The following MAPK14 variants were observed in gnomAD, a reference collection of about 807,000 sequenced individuals.
MAPK14 encodes mitogen-activated protein kinase 14.
Under a neutral mutation model 49.6 loss-of-function variants are expected in MAPK14, and 16 were observed. That is an observed-to-expected ratio of 0.32 (90% CI 0.22 to 0.49). The LOEUF (loss-of-function observed/expected upper bound fraction) is 0.49. Among genes scored for constraint, MAPK14 ranks in the 20% least tolerant of loss-of-function variants. MAPK14 has a pLI of 0.99. For synonymous variants in MAPK14, 142 were observed against 158.0 expected (o/e 0.90, Z 0.76); for missense variants, 200 against 441.2 (o/e 0.45, Z 4.90).
At chr6:36,096,566 A>AT (rs1401239698) in intron 9 of MAPK14, 2 of 153,058 alleles carry the variant, frequency 1.3e-5, no homozygotes, top group Non-Finnish European at 2.9e-5. Flanking sequence ...CCCAGAAGTT[A>AT]TTTTTTATTG....
At chr6:36,104,838 G>A (rs570887242) in intron 10 of MAPK14, among the ~76,000 whole-genome samples, 2 of 152,278 alleles carry the variant, frequency 1.3e-5, no homozygotes, top group South Asian at 2.1e-4. Flanking sequence ...AGATATTTGT[G>A]TTCCAGCAGC....
At chr6:36,053,576 G>A (rs1353029062) in intron 2 of MAPK14, among the ~76,000 whole-genome samples, 1 of 152,128 alleles carries the variant, frequency 6.6e-6, no homozygotes, top group East Asian at 1.9e-4. Context: ...ATCAAGTTAT[G>A]AATTTCTGTG....
chr6:36,122,476 T>A, the MAPK14 span, among the ~76,000 whole-genome samples: 10 of 152,206 alleles, frequency 6.6e-5, no homozygotes, highest in Non-Finnish European at 1.3e-4. Flanking sequence ...CCCTGCTACA[T>A]CCCTGCCATT....
intron 3 of MAPK14, among the ~76,000 whole-genome samples, chr6:36,071,712 G>A (rs1028398406): frequency 6.6e-6 from 1 of 152,180 alleles, no homozygotes; most frequent in Non-Finnish European, 1.5e-5. Context: ...TTATAATGAG[G>A]TGAAAATGTA....
intron 2 of MAPK14, among the ~76,000 whole-genome samples, chr6:36,053,671 T>C (rs1763484569): frequency 6.6e-6 from 1 of 152,206 alleles, no homozygotes; most frequent in African/African-American, 2.4e-5. Flanking sequence ...GCTGTACTGC[T>C]TGTTACCTTG....
At chr6:36,100,328 C>T (rs1765591829) in intron 9 of MAPK14, 5 of 1,239,124 alleles carry the variant, frequency 4.0e-6, no homozygotes, top group Non-Finnish European at 6.0e-6. Flanking sequence ...CATTTTATTG[C>T]CACCGTATAA....
intron 1 of MAPK14, among the ~76,000 whole-genome samples, chr6:36,042,559 A>G (rs368464004): frequency 2.0e-5 from 3 of 149,032 alleles, no homozygotes; most frequent in Non-Finnish European, 4.4e-5. Context: ...TACGCAGTCA[A>G]TGGCTCACTG....
At chr6:36,102,520 G>A (rs1765671067) in intron 9 of MAPK14, 51 bp from the exon 10 acceptor site, 3 of 1,340,542 alleles carry the variant, frequency 2.2e-6, no homozygotes, top group South Asian at 1.2e-5. Context: ...CTTTCTTTGA[G>A]AGCAGTAACA....
At chr6:36,106,435 C>A (rs898724213) in intron 10 of MAPK14, among the ~76,000 whole-genome samples, 1 of 152,030 alleles carries the variant, frequency 6.6e-6, no homozygotes, top group African/African-American at 2.4e-5. Flanking sequence ...AGTGCATGGC[C>A]CCTAATTGAA....
rs551457216 is a variant in MAPK14, at chr6:36,033,061, T to C, written c.116+4788T>C. ...ATTATTAAGTATACAAGGGTGACTT[T>C]CTTGACTCCTGACCAGTGAGAAGGG... On this transcript the variant is annotated intron_variant, in intron 1 of 11. Transcript: ENST00000229794. Among the ~76,000 whole-genome samples, 152 of 152,224 alleles carry C rather than the reference T, an allele frequency of 1.0e-3. 2 individuals are homozygous for C. The South Asian group carries it at 0.014, about 14-fold the overall frequency.
chr6:36,028,371 GA>G lies in MAPK14; in HGVS notation c.116+100del, dbSNP rs1438022097. ...TGCTCAGCGTTGCGTCAAGTGGCAG[GA>G]ATTTTCCTCGGGGGAGGGCATTGCT... On this transcript the variant is annotated intron_variant, in intron 1 of 11. Transcript: ENST00000229794. This position sits in a 1 kb window ranked among gnomAD's most constrained non-coding sequence, Gnocchi z 5.1. The G allele has an allele frequency of 1.3e-5, 11 of 842,278 alleles. No homozygotes were observed. The highest frequency in any genetic ancestry group is 2.1e-5 in the Non-Finnish European group (11 of 517,750). The allele number at this position is 842,278 out of a possible 1,614,324, so 52.2% of individuals were successfully genotyped here.
chr6:36,105,338 G>A (rs1765768461), intron 10 of MAPK14, among the ~76,000 whole-genome samples: 1 of 152,018 alleles, frequency 6.6e-6, no homozygotes, highest in Non-Finnish European at 1.5e-5. Context: ...GAACTCTTGT[G>A]TTTAAGTGAT....
downstream of MAPK14, chr6:36,111,253 T>C (rs1015960029): frequency 6.6e-6 from 1 of 152,244 alleles, no homozygotes; most frequent in African/African-American, 2.4e-5. Flanking sequence ...CTCATCTGTT[T>C]ATGTATTGTC....
At chr6:36,039,109 T>C (rs1348617656) in intron 1 of MAPK14, among the ~76,000 whole-genome samples, 1 of 152,170 alleles carries the variant, frequency 6.6e-6, no homozygotes, top group Non-Finnish European at 1.5e-5. Context: ...ATATATCATA[T>C]AGATTGAAAG....
rs200564401 is a variant in MAPK14, at chr6:36,052,676, T to G, written c.117-23T>G. The G allele has an allele frequency of 1.3e-4, 205 of 1,582,026 alleles. 4 individuals carry two copies. The South Asian group carries it at 2.2e-3, about 17-fold the overall frequency. ...TTTAGAACAGCTTTTTAATGGTGGG[T>G]TTTTTCCCTTTTTTCTCCTTAGTGC... On this transcript the variant is annotated intron_variant, in intron 1 of 11. Transcript: ENST00000229794.
At chr6:36,029,770 A>G (rs1300795539) in intron 1 of MAPK14, among the ~76,000 whole-genome samples, 1 of 152,172 alleles carries the variant, frequency 6.6e-6, no homozygotes, top group Admixed American at 6.5e-5. Context: ...ACCGTGCTTG[A>G]CATCTTTCTC....
At chr6:36,087,416 T>C (rs1765030503) in intron 8 of MAPK14, among the ~76,000 whole-genome samples, 1 of 152,232 alleles carries the variant, frequency 6.6e-6, no homozygotes, top group South Asian at 2.1e-4. Flanking sequence ...CTTAAGCTGA[T>C]AAGCAACTTC....
chr6:36,055,932 C>A (rs569461665), intron 2 of MAPK14, among the ~76,000 whole-genome samples: 2 of 152,118 alleles, frequency 1.3e-5, no homozygotes, highest in South Asian at 2.1e-4. Flanking sequence ...AAAAACCCAT[C>A]AAAAATTTAA....
intron 9 of MAPK14, chr6:36,097,134 G>A (rs1398827076): frequency 6.6e-6 from 1 of 152,208 alleles, no homozygotes; most frequent in Non-Finnish European, 1.5e-5. Flanking sequence ...CATCTGGTAT[G>A]TATCCGGTAC....
Sources: gnomAD v4.1 joint callset for allele counts (sites outside exome capture counted in the v4.1 genomes callset) on GRCh38, gnomAD v4.1.1 for gene constraint, Gnocchi (gnomAD v3.1) non-coding constraint, MANE v1.5 for transcripts, NCBI Gene and HGNC (gene_info 2026-07-23, HGNC 2026-07-21) for gene names.